ARID3B: variants seen among roughly 807,000 people sequenced by gnomAD.
ARID3B encodes the protein AT-rich interactive domain-containing protein 3B.
Under a neutral mutation model 51.9 loss-of-function variants are expected in ARID3B, and 10 were observed. That is an observed-to-expected ratio of 0.19 (90% CI 0.12 to 0.33). ARID3B has a LOEUF of 0.33. ARID3B is among the 10% of genes least tolerant of loss of function. ARID3B has a pLI of 1.00. For missense variants in ARID3B, 483 were observed against 716.3 expected (o/e 0.67, Z 3.72); for synonymous variants, 205 against 279.5 (o/e 0.73, Z 2.66).
Position 74,553,741 on chromosome 15 carries a change from A to T in ARID3B, c.552+9253A>T, listed in dbSNP as rs577178836. 3.3e-5 allele frequency among the ~76,000 whole-genome samples: 5 copies of T among 152,250 alleles called. No individual in the cohort carries two copies. In the South Asian group the frequency reaches 1.0e-3, roughly 32 times the overall value. On this transcript the variant is annotated intron_variant, in intron 2 of 8. Coordinates refer to ENST00000346246, the MANE Select transcript of ARID3B (RefSeq NM_006465.4). ...AGAATGTATGTTAATCCATTTCATT[A>T]TAAGGATTAGTGATACATTTGGATC...
At chr15:74,571,192 C>T (rs1250491204) in intron 2 of ARID3B, among the ~76,000 whole-genome samples, 1 of 152,178 alleles carries the variant, frequency 6.6e-6, no homozygotes, top group Non-Finnish European at 1.5e-5. Context: ...GCAAAGTTGG[C>T]CCCAAAATAT....
At chr15:74,584,005 C>T (rs985950177) in intron 4 of ARID3B, among the ~76,000 whole-genome samples, 2 of 152,192 alleles carry the variant, frequency 1.3e-5, no homozygotes, top group Non-Finnish European at 2.9e-5. Flanking sequence ...GACCTTTTTC[C>T]TTTTCCTTTC....
At chr15:74,578,805 G>T (rs992030855) in intron 4 of ARID3B, among the ~76,000 whole-genome samples, 5 of 152,096 alleles carry the variant, frequency 3.3e-5, no homozygotes, top group African/African-American at 1.2e-4. Flanking sequence ...GAGGTGGGAG[G>T]ATCACTTGAG....
chr15:74,558,424 TA>T (rs1383245099), intron 2 of ARID3B, among the ~76,000 whole-genome samples: 1 of 152,218 alleles, frequency 6.6e-6, no homozygotes, highest in African/African-American at 2.4e-5. Flanking sequence ...TGTTTGTTTA[TA>T]AATTTTTTGG....
chr15:74,595,512 C>A, intron 8 of ARID3B, 99 bp from the exon 9 acceptor site: 1 of 1,372,784 alleles, frequency 7.3e-7, no homozygotes, highest in South Asian at 1.4e-5. Context: ...ACAGCGGAGT[C>A]AGGCACAGGC....
intron 4 of ARID3B, among the ~76,000 whole-genome samples, chr15:74,581,448 C>T (rs755138520): frequency 1.3e-5 from 2 of 152,188 alleles, no homozygotes; most frequent in Non-Finnish European, 1.5e-5. Flanking sequence ...GCCCTGGACA[C>T]CCTTCCTGGC....
chr15:74,591,836 G>T lies in ARID3B; in HGVS notation c.1420+22G>T. 6.2e-7 allele frequency: 1 copy of T among 1,604,866 alleles called. No individual in the cohort carries two copies. Among genetic ancestry groups the T allele is most frequent in the South Asian group, 1.1e-5 (1 of 90,412 alleles). ...AGGGGTGAGCCAGGCTCAGGGCCGG[G>T]CCTTCCCTTCCTGGAAACCCCAAGC... On this transcript the variant is annotated intron_variant, in intron 7 of 8. Coordinates refer to ENST00000346246, the MANE Select transcript of ARID3B (RefSeq NM_006465.4). This position sits in a 1 kb window ranked among gnomAD's most constrained non-coding sequence, Gnocchi z 5.8.
At position 74,544,340 on chromosome 15, in the gene ARID3B, C is replaced by T. The variant is rs1567114104; in HGVS notation, c.404C>T (p.Ala135Val). The T allele has an allele frequency of 1.2e-6, 2 of 1,611,978 alleles. No homozygotes were observed. The highest frequency in any genetic ancestry group is 1.7e-6 in the Non-Finnish European group (2 of 1,178,790). Residue 135 changes from alanine to valine, a missense_variant, in exon 2 of 9, where the codon GCA becomes GTA. By Grantham distance (64) the Ala-to-Val change is moderately conservative. Around this residue, in one of 3 missense-constraint regions of ARID3B, gnomAD observed 182 missense variants for 244.5 expected, o/e 0.74. Transcript: ENST00000346246. ...GTAGCTCGCCAAGATCCCAGAGTGGCACCCATGTCCAATCTACTTCCAGCA... is the reference window on the plus strand; with the variant it reads ...GTAGCTCGCCAAGATCCCAGAGTGGTACCCATGTCCAATCTACTTCCAGCA... ...QKVARQDPRV[A>V]PMSNLLPAPG... is the part of the protein sequence containing the mutation.
chr15:74,593,591 C>T (rs924919521), intron 8 of ARID3B, among the ~76,000 whole-genome samples: 1 of 150,076 alleles, frequency 6.7e-6, no homozygotes, highest in African/African-American at 2.4e-5. Flanking sequence ...GACTGAGACA[C>T]AGGCAAAGGA....
intron 2 of ARID3B, among the ~76,000 whole-genome samples, chr15:74,558,063 C>T (rs1347519522): frequency 4.6e-5 from 7 of 151,886 alleles, no homozygotes; most frequent in Non-Finnish European, 7.4e-5. Flanking sequence ...CCTCATGATC[C>T]GCCCACCTCG....
At chr15:74,543,709 C>CCACT (rs1201893419) in intron 1 of ARID3B, among the ~76,000 whole-genome samples, 151 bp from the exon 2 acceptor site, 5 of 152,170 alleles carry the variant, frequency 3.3e-5, no homozygotes, top group Admixed American at 3.3e-4. Flanking sequence ...GAAACCCCCA[C>CCACT]CACTCACTCA....
intron 2 of ARID3B, among the ~76,000 whole-genome samples, chr15:74,558,285 T>G (rs971321711): frequency 1.3e-5 from 2 of 151,698 alleles, no homozygotes; most frequent in Non-Finnish European, 2.9e-5. Context: ...TTTTAAAATC[T>G]TATGTATTTA....
chr15:74,561,874 C>T (rs2061680635), intron 2 of ARID3B, among the ~76,000 whole-genome samples: 2 of 152,080 alleles, frequency 1.3e-5, no homozygotes, highest in Admixed American at 6.6e-5. Flanking sequence ...TGTTTATCCT[C>T]TTCCATTGTA....
At chr15:74,571,057 T>C (rs927306008) in intron 2 of ARID3B, among the ~76,000 whole-genome samples, 4 of 152,168 alleles carry the variant, frequency 2.6e-5, no homozygotes, top group African/African-American at 7.2e-5. Context: ...GGAAACAATT[T>C]GATGTAGTCT....
intron 2 of ARID3B, among the ~76,000 whole-genome samples, chr15:74,554,119 G>C (rs898600462): frequency 1.3e-5 from 2 of 152,096 alleles, no homozygotes; most frequent in African/African-American, 4.8e-5. Context: ...CCATTCTCCT[G>C]CCTCAGCCTC....
chr15:74,572,128 A>C (rs1227229584), intron 2 of ARID3B, among the ~76,000 whole-genome samples: 1 of 152,172 alleles, frequency 6.6e-6, no homozygotes, highest in Non-Finnish European at 1.5e-5. Context: ...AAAAAAAAAA[A>C]AGTTACTGGA....
intron 5 of ARID3B, 143 bp downstream of exon 5, chr15:74,590,146 A>G: frequency 1.0e-6 from 1 of 964,920 alleles, no homozygotes; most frequent in African/African-American, 1.6e-5. Flanking sequence ...TTCTGAGATG[A>G]ATCCCTCACT....
chr15:74,593,022 T>G, intron 7 of ARID3B, 116 bp from the exon 8 acceptor site: 1 of 789,092 alleles, frequency 1.3e-6, no homozygotes, highest in Non-Finnish European at 2.0e-6. Flanking sequence ...GAAGGTTACA[T>G]AGATGCCTTT....
At chr15:74,557,129 T>C (rs2061661409) in intron 2 of ARID3B, among the ~76,000 whole-genome samples, 1 of 151,990 alleles carries the variant, frequency 6.6e-6, no homozygotes, top group Non-Finnish European at 1.5e-5. Flanking sequence ...GTAATAAAAG[T>C]CTTGGCCAGG....
Sources: allele counts gnomAD v4.1 joint callset (sites outside exome capture counted in the v4.1 genomes callset), GRCh38; gene constraint gnomAD v4.1.1; regional missense constraint gnomAD v4.1.1; non-coding constraint Gnocchi (gnomAD v3.1); transcripts MANE v1.5; gene names NCBI Gene and HGNC (gene_info 2026-07-23, HGNC 2026-07-21).